The following LRFN5 variants were observed in gnomAD, a reference collection of about 807,000 sequenced individuals.
The protein encoded by LRFN5 is leucine rich repeat and fibronectin type III domain containing 5, also known as leucine-rich repeat and fibronectin type-III domain-containing protein 5.
Under a neutral mutation model 45.6 loss-of-function variants are expected in LRFN5, and 24 were observed. The ratio of observed to expected loss-of-function variants is 0.53; its 90% CI spans 0.38 to 0.74. The LOEUF is 0.74. LRFN5 is among the 30% of genes least tolerant of loss of function. The pLI, the probability that LRFN5 is intolerant of heterozygous loss-of-function variation, is 0.00. For synonymous variants in LRFN5, 340 were observed against 313.8 expected (o/e 1.08, Z -0.88); for missense variants, 776 against 861.5 (o/e 0.90, Z 1.24).
At chr14:41,852,998 C>G (rs1267570516) in intron 2 of LRFN5, among the ~76,000 whole-genome samples, 1 of 151,876 alleles carries the variant, frequency 6.6e-6, no homozygotes, top group Non-Finnish European at 1.5e-5. Flanking sequence ...ATTAATGTAT[C>G]TCTTATCTAC....
intron 1 of LRFN5, among the ~76,000 whole-genome samples, chr14:41,634,996 T>C (rs764205733): frequency 6.6e-6 from 1 of 152,118 alleles, no homozygotes; most frequent in Non-Finnish European, 1.5e-5. Flanking sequence ...TTTTTTAAAA[T>C]TTTCTAACTA....
At chr14:41,710,553 A>C (rs1032046078) in intron 1 of LRFN5, among the ~76,000 whole-genome samples, 7 of 152,068 alleles carry the variant, frequency 4.6e-5, no homozygotes, top group African/African-American at 1.7e-4. Context: ...ATAACTAACA[A>C]GATTTCTTGA....
intron 1 of LRFN5, among the ~76,000 whole-genome samples, chr14:41,675,503 T>A (rs1227885756): frequency 2.0e-5 from 3 of 152,028 alleles, no homozygotes; most frequent in Non-Finnish European, 4.4e-5. Context: ...CTCGGCAGGC[T>A]GAGGCAGGAG....
At chr14:41,819,841 G>C (rs771678505) in intron 2 of LRFN5, among the ~76,000 whole-genome samples, 2 of 152,072 alleles carry the variant, frequency 1.3e-5, no homozygotes, top group South Asian at 2.1e-4. Context: ...TTCTACATGA[G>C]GTTTGGGTGG....
chr14:41,783,242 G>T (rs1412508185), intron 2 of LRFN5, among the ~76,000 whole-genome samples: 2 of 151,990 alleles, frequency 1.3e-5, no homozygotes, highest in African/African-American at 4.8e-5. Flanking sequence ...TTGAACTATA[G>T]CCTCCAAGAG....
At chr14:41,894,606 G>T in intron 4 of LRFN5, 1 of 979,308 alleles carries the variant, frequency 1.0e-6, no homozygotes, top group South Asian at 4.7e-5. Context: ...AACATATGAA[G>T]AAATTTTTGC....
chr14:41,803,245 TTTTTAAG>T (rs1320270773), intron 2 of LRFN5, among the ~76,000 whole-genome samples: 1 of 152,202 alleles, frequency 6.6e-6, no homozygotes, highest in Non-Finnish European at 1.5e-5. Flanking sequence ...GGATGTGCAG[TTTTTAAG>T]TTTTATGTAC....
chr14:41,691,329 T>G (rs1458593173), intron 1 of LRFN5, among the ~76,000 whole-genome samples: 1 of 152,108 alleles, frequency 6.6e-6, no homozygotes, highest in Non-Finnish European at 1.5e-5. Flanking sequence ...TCAAAATATT[T>G]TCTAACTTTC....
chr14:41,887,075 G>A lies in LRFN5; in HGVS notation c.450G>A (p.Glu150=). The A allele has an allele frequency of 1.9e-6, 3 of 1,613,996 alleles. No individual in the cohort carries two copies. The highest frequency in any genetic ancestry group is 2.2e-5 in the East Asian group (1 of 44,868). The change falls in exon 3 of 6, where the codon GAG becomes GAA. Residue 150 remains glutamate, a synonymous_variant. Transcript: ENST00000298119. This position sits in a 1 kb window ranked among gnomAD's most constrained non-coding sequence, Gnocchi z 4.8. ...CGTTTGATGATGTCTTCGCCCTTGA[G>A]GAGCTGGATCTGTCCTATAATAATC... The part of the protein sequence containing the change: ...STAFDDVFAL[E]ELDLSYNNLE...
intron 1 of LRFN5, among the ~76,000 whole-genome samples, chr14:41,738,891 T>A (rs746057158): frequency 5.3e-5 from 8 of 152,230 alleles, no homozygotes; most frequent in Non-Finnish European, 7.3e-5. Flanking sequence ...TGAACTACTA[T>A]TTACAACAAA....
At chr14:41,633,652 C>G (rs1950831) in intron 1 of LRFN5, among the ~76,000 whole-genome samples, 73,720 of 151,882 alleles carry the variant, frequency 0.49, 18,003 homozygotes, top group Non-Finnish European at 0.52. Flanking sequence ...CATTATGTGT[C>G]ACAAAGTAAA....
intron 1 of LRFN5, among the ~76,000 whole-genome samples, chr14:41,713,199 A>C (rs10133020): frequency 0.77 from 116,429 of 151,986 alleles, 44,969 homozygotes; most frequent in East Asian, 0.97. Context: ...ACAGTAATCC[A>C]AAATCAATTC....
At chr14:41,828,293 C>CA (rs924975481) in intron 2 of LRFN5, among the ~76,000 whole-genome samples, 1 of 151,730 alleles carries the variant, frequency 6.6e-6, no homozygotes, top group Non-Finnish European at 1.5e-5. Context: ...TGTGTTTTCT[C>CA]AAAAAAATAA....
At chr14:41,624,734 G>A (rs189028462) in intron 1 of LRFN5, among the ~76,000 whole-genome samples, 68 of 152,172 alleles carry the variant, frequency 4.5e-4, no homozygotes, top group African/African-American at 1.4e-3. Flanking sequence ...AGGCAACTAA[G>A]CAAAAACAAA....
intron 1 of LRFN5, among the ~76,000 whole-genome samples, chr14:41,752,372 G>T (rs1407417134): frequency 3.3e-5 from 5 of 152,170 alleles, no homozygotes; most frequent in African/African-American, 9.7e-5. Context: ...CTAGTTTACA[G>T]TCCCACCAAC....
chr14:41,770,606 C>T lies in LRFN5; in HGVS notation c.-21+3577C>T, dbSNP rs536581031. Among the ~76,000 whole-genome samples, 3 of 152,298 alleles carry T rather than the reference C, an allele frequency of 2.0e-5. No homozygotes were observed. The East Asian group carries it at 5.8e-4, about 29-fold the overall frequency. ...AATCTTAAAGCTCCAACACAATCCT[C>T]GACTTCATGTTCCACAGCATGTTGT... is the stretch of plus-strand genomic sequence containing the variant. On this transcript the variant is annotated intron_variant, in intron 2 of 5. Transcript: ENST00000298119.
chr14:41,840,909 G>T (rs1030708877), intron 2 of LRFN5, among the ~76,000 whole-genome samples: 2 of 151,786 alleles, frequency 1.3e-5, no homozygotes, highest in Admixed American at 6.6e-5. Flanking sequence ...CTACACAGGG[G>T]TTGTAATATT....
chr14:41,758,820 C>G (rs1478573445), intron 1 of LRFN5, among the ~76,000 whole-genome samples: 1 of 152,140 alleles, frequency 6.6e-6, no homozygotes, highest in East Asian at 1.9e-4. Context: ...GAAATAATTT[C>G]TAATTGCATC....
At chr14:41,617,940 T>C (rs900611183) in intron 1 of LRFN5, among the ~76,000 whole-genome samples, 1 of 152,190 alleles carries the variant, frequency 6.6e-6, no homozygotes, top group African/African-American at 2.4e-5. Flanking sequence ...CATCATGTTC[T>C]ACCTTCTACT....
Sources: gnomAD v4.1 joint callset for allele counts (sites outside exome capture counted in the v4.1 genomes callset) on GRCh38, gnomAD v4.1.1 for gene constraint, Gnocchi (gnomAD v3.1) non-coding constraint, MANE v1.5 for transcripts, NCBI Gene and HGNC (gene_info 2026-07-23, HGNC 2026-07-21) for gene names.